Variants in SLC35F2 observed in about 807,000 individuals in gnomAD.
SLC35F2 encodes solute carrier family 35 member F2, also known as queuine/queuosine transporter SLC35F2.
SLC35F2 carries 25 observed loss-of-function variants against 38.1 expected under a neutral mutation model. That is an observed-to-expected ratio of 0.66 (90% CI 0.48 to 0.92). The LOEUF is 0.92. Ranked by LOEUF, SLC35F2 falls within the 40% of genes least tolerant of loss-of-function variation. SLC35F2 has a pLI of 0.00. For synonymous variants in SLC35F2, 173 were observed against 181.7 expected (o/e 0.95, Z 0.38); for missense variants, 409 against 452.9 (o/e 0.90, Z 0.88).
intron 7 of SLC35F2, among the ~76,000 whole-genome samples, chr11:107,799,228 A>C (rs1479845969): frequency 6.6e-6 from 1 of 152,240 alleles, no homozygotes; most frequent in African/African-American, 2.4e-5. Flanking sequence ...ATCTGATCTA[A>C]GAATGTACTA....
chr11:107,809,329 CAAAAA>C (rs61511493), intron 3 of SLC35F2, among the ~76,000 whole-genome samples: 2 of 96,120 alleles, frequency 2.1e-5, no homozygotes, highest in African/African-American at 7.0e-5. Context: ...ACTCAAAATA[CAAAAA>C]AAAAAAAAAA....
intron 1 of SLC35F2, among the ~76,000 whole-genome samples, chr11:107,834,796 A>T (rs1314815455): frequency 6.6e-6 from 1 of 152,242 alleles, no homozygotes; most frequent in African/African-American, 2.4e-5. Flanking sequence ...ATATCTAAGT[A>T]TATTTTTCCA....
chr11:107,812,203 G>T (rs913809792), intron 2 of SLC35F2, among the ~76,000 whole-genome samples: 9 of 152,116 alleles, frequency 5.9e-5, no homozygotes, highest in African/African-American at 2.2e-4. Flanking sequence ...ACCACGCCTG[G>T]CTATTGTGTA....
At chr11:107,858,547 C>T (rs1220351612) in intron 1 of SLC35F2, 111 bp downstream of exon 1, 1 of 1,027,420 alleles carries the variant, frequency 9.7e-7, no homozygotes, top group African/African-American at 1.7e-5. Context: ...CGGCCGCCAC[C>T]TCTGCCTCCC....
chr11:107,853,196 A>G (rs1860216498), intron 1 of SLC35F2, among the ~76,000 whole-genome samples: 1 of 152,052 alleles, frequency 6.6e-6, no homozygotes, highest in East Asian at 1.9e-4. Context: ...AATCACGATC[A>G]CCTTCCCTCT....
At chr11:107,803,557 G>A in intron 6 of SLC35F2, 1 of 946,380 alleles carries the variant, frequency 1.1e-6, no homozygotes, top group Non-Finnish European at 1.3e-6. Context: ...CTTTTGTTTG[G>A]TTGGACATGA....
chr11:107,792,595 G>A lies in SLC35F2; in HGVS notation c.*20C>T. 1 of 1,584,430 alleles carries A rather than the reference G, an allele frequency of 6.3e-7. No homozygotes were observed. Among genetic ancestry groups the A allele is most frequent in the Non-Finnish European group, 8.6e-7 (1 of 1,166,746 alleles). ...GCTCTGCTTTATCCTGGTGGGGGATGGGTGCGCCATCTTCTCCAGCTACAA... is the reference window on the plus strand; with the variant it reads ...GCTCTGCTTTATCCTGGTGGGGGATAGGTGCGCCATCTTCTCCAGCTACAA... On this transcript the variant is annotated 3_prime_UTR_variant, in exon 8 of 8. Transcript: ENST00000525815.
intron 1 of SLC35F2, among the ~76,000 whole-genome samples, chr11:107,829,717 G>T (rs1208907129): frequency 6.6e-6 from 1 of 150,768 alleles, no homozygotes; most frequent in African/African-American, 2.4e-5. Flanking sequence ...TTTAACCTGG[G>T]GCACATGGAC....
intron 1 of SLC35F2, among the ~76,000 whole-genome samples, chr11:107,841,287 G>T (rs963975115): frequency 3.9e-5 from 6 of 152,202 alleles, no homozygotes; most frequent in Admixed American, 3.9e-4. Context: ...GGCCGGCCGG[G>T]TGTGGCAGCT....
At chr11:107,797,979 G>A (rs1300576658) in intron 7 of SLC35F2, among the ~76,000 whole-genome samples, 2 of 144,996 alleles carry the variant, frequency 1.4e-5, no homozygotes, top group Admixed American at 1.4e-4. Flanking sequence ...TTTTAAGTTG[G>A]TATTTTTTAT....
At position 107,816,084 on chromosome 11, in the gene SLC35F2, C is replaced by T. The variant is rs1003168921; in HGVS notation, c.111-119G>A. Reference sequence around the variant, plus strand: ...AACACAAAGGGAAATGCTAATTATTCCAGGTGGTTCTTCATTTCATGAAAT... The same window carrying T: ...AACACAAAGGGAAATGCTAATTATTTCAGGTGGTTCTTCATTTCATGAAAT... On this transcript the variant is annotated intron_variant, in intron 1 of 7. Coordinates refer to ENST00000525815, the MANE Select transcript of SLC35F2 (RefSeq NM_017515.5). 6.1e-6 allele frequency: 8 copies of T among 1,305,554 alleles called. No homozygotes were observed. The African/African-American group carries it at 7.7e-5, about 13-fold the overall frequency. The allele number at this position is 1,305,554 out of a possible 1,614,324, so 80.9% of individuals were successfully genotyped here. A position where few individuals can be genotyped will look rare whatever the true frequency, so the allele number is the denominator to read the frequency against.
chr11:107,853,644 C>T (rs1005360997), intron 1 of SLC35F2, among the ~76,000 whole-genome samples: 91 of 141,158 alleles, frequency 6.4e-4, no homozygotes, highest in Admixed American at 1.8e-3. Context: ...GGCGTGAACC[C>T]GGGAGGCGGA....
chr11:107,856,518 A>C (rs1860283733), intron 1 of SLC35F2, among the ~76,000 whole-genome samples: 1 of 152,184 alleles, frequency 6.6e-6, no homozygotes, highest in South Asian at 2.1e-4. Context: ...AACATGGGGA[A>C]ACCCCATCTC....
At chr11:107,793,769 C>A (rs905762686) in intron 7 of SLC35F2, among the ~76,000 whole-genome samples, 1 of 151,960 alleles carries the variant, frequency 6.6e-6, no homozygotes, top group Non-Finnish European at 1.5e-5. Flanking sequence ...GGAAACAGAG[C>A]CCTGTGAGAG....
intron 1 of SLC35F2, among the ~76,000 whole-genome samples, chr11:107,835,016 G>C (rs1214840169): frequency 1.3e-5 from 2 of 152,114 alleles, no homozygotes; most frequent in African/African-American, 4.8e-5. Context: ...TAGCCAATAA[G>C]ATAAAAGCTA....
intron 4 of SLC35F2, among the ~76,000 whole-genome samples, chr11:107,805,897 T>C (rs767540047): frequency 6.6e-5 from 10 of 152,196 alleles, no homozygotes; most frequent in Middle Eastern, 3.2e-3. Flanking sequence ...CCGCTCACCT[T>C]GGCCTCCCAA....
chr11:107,811,143 T>A (rs568086319), intron 3 of SLC35F2: 111 of 985,302 alleles, frequency 1.1e-4, no homozygotes, highest in Non-Finnish European at 1.3e-4. Context: ...CTTTACAAAG[T>A]TGAAAACCTC....
intron 6 of SLC35F2, 44 bp from the exon 7 acceptor site, chr11:107,803,199 CAT>C (rs1859341202): frequency 6.4e-7 from 1 of 1,554,182 alleles, no homozygotes; most frequent in African/African-American, 1.4e-5. Context: ...GGCAAGAAAA[CAT>C]AAGACAAAGG....
intron 1 of SLC35F2, among the ~76,000 whole-genome samples, chr11:107,849,598 C>T (rs1036495611): frequency 2.7e-5 from 4 of 149,782 alleles, no homozygotes; most frequent in African/African-American, 9.8e-5. Context: ...GAGATTGCGC[C>T]ACTGCACTCC....
Sources: allele counts gnomAD v4.1 joint callset (sites outside exome capture counted in the v4.1 genomes callset), GRCh38; gene constraint gnomAD v4.1.1; transcripts MANE v1.5; gene names NCBI Gene and HGNC (gene_info 2026-07-23, HGNC 2026-07-21).